KCTD16: variants seen among roughly 807,000 people sequenced by gnomAD.
KCTD16 encodes the protein BTB/POZ domain-containing protein KCTD16.
KCTD16 carries 13 observed loss-of-function variants against 33.2 expected under a neutral mutation model. That is an observed-to-expected ratio of 0.39 (90% CI 0.25 to 0.62). KCTD16 has a LOEUF of 0.62. KCTD16 is among the 20% of genes least tolerant of loss of function. KCTD16 has a pLI of 0.50. For missense variants in KCTD16, 441 were observed against 525.1 expected (o/e 0.84, Z 1.57); for synonymous variants, 197 against 195.3 (o/e 1.01, Z -0.07).
At chr5:144,458,433 C>A (rs918918658) in intron 3 of KCTD16, among the ~76,000 whole-genome samples, 1 of 152,186 alleles carries the variant, frequency 6.6e-6, no homozygotes, top group Non-Finnish European at 1.5e-5. Flanking sequence ...ACTTAATAAG[C>A]CATATGGAGA....
At chr5:144,457,766 C>T (rs923439981) in intron 3 of KCTD16, among the ~76,000 whole-genome samples, 1 of 152,146 alleles carries the variant, frequency 6.6e-6, no homozygotes, top group African/African-American at 2.4e-5. Flanking sequence ...TGTAAAGAAA[C>T]TGGCAAGGTG....
intron 3 of KCTD16, among the ~76,000 whole-genome samples, chr5:144,347,081 T>C (rs1752822763): frequency 6.6e-6 from 1 of 152,222 alleles, no homozygotes; most frequent in Non-Finnish European, 1.5e-5. Flanking sequence ...AGAAGTTTCT[T>C]AGATGATGCA....
At chr5:144,312,763 G>C (rs1270238785) in intron 3 of KCTD16, among the ~76,000 whole-genome samples, 1 of 152,200 alleles carries the variant, frequency 6.6e-6, no homozygotes, top group Admixed American at 6.5e-5. Flanking sequence ...AGGGTGTGAA[G>C]GGTTCCTTTT....
chr5:144,244,680 A>G (rs1305874559), intron 3 of KCTD16, among the ~76,000 whole-genome samples: 4 of 152,168 alleles, frequency 2.6e-5, no homozygotes, highest in African/African-American at 4.8e-5. Context: ...CTATTTTTAG[A>G]TATCTTTCCC....
chr5:144,470,218 C>T (rs1006332235), intron 3 of KCTD16, among the ~76,000 whole-genome samples: 3 of 152,300 alleles, frequency 2.0e-5, no homozygotes, highest in Admixed American at 2.0e-4. Context: ...TCTTTCCACA[C>T]TTCCCAAGAC....
At chr5:144,446,963 TG>T (rs1161100345) in intron 3 of KCTD16, among the ~76,000 whole-genome samples, 1 of 151,756 alleles carries the variant, frequency 6.6e-6, no homozygotes, top group East Asian at 1.9e-4. Flanking sequence ...TTGGTGGGAG[TG>T]TAAATTAGTT....
chr5:144,436,814 C>T (rs938490681), intron 3 of KCTD16, among the ~76,000 whole-genome samples: 1 of 152,084 alleles, frequency 6.6e-6, no homozygotes, highest in African/African-American at 2.4e-5. Flanking sequence ...TCTCGAACTC[C>T]TGACCTCGTG....
chr5:144,196,850 C>T (rs547456624), intron 2 of KCTD16, among the ~76,000 whole-genome samples: 1 of 152,198 alleles, frequency 6.6e-6, no homozygotes, highest in African/African-American at 2.4e-5. Flanking sequence ...TTTTGAGAGA[C>T]CCCTAGGGTA....
At chr5:144,220,805 G>A (rs569504333) in intron 3 of KCTD16, among the ~76,000 whole-genome samples, 1 of 152,114 alleles carries the variant, frequency 6.6e-6, no homozygotes, top group Non-Finnish European at 1.5e-5. Flanking sequence ...GCCGGGCGTG[G>A]TGGCGGGCAC....
chr5:144,394,272 T>G (rs188933227), intron 3 of KCTD16, among the ~76,000 whole-genome samples: 8 of 152,322 alleles, frequency 5.3e-5, no homozygotes, highest in Non-Finnish European at 1.2e-4. Flanking sequence ...CAATATACTT[T>G]TTTTTGCATT....
chr5:144,443,729 T>G (rs1158249186), intron 3 of KCTD16, among the ~76,000 whole-genome samples: 2 of 152,124 alleles, frequency 1.3e-5, no homozygotes, highest in African/African-American at 4.8e-5. Flanking sequence ...ACTATGAAGC[T>G]CAAGTTGTTC....
intron 3 of KCTD16, among the ~76,000 whole-genome samples, chr5:144,282,999 C>T (rs1020209762): frequency 2.0e-5 from 3 of 152,044 alleles, no homozygotes; most frequent in African/African-American, 7.2e-5. Context: ...ACAGTGGTAC[C>T]CTTTCCTGGT....
At chr5:144,341,871 A>G (rs937652409) in intron 3 of KCTD16, among the ~76,000 whole-genome samples, 1 of 152,214 alleles carries the variant, frequency 6.6e-6, no homozygotes, top group Non-Finnish European at 1.5e-5. Flanking sequence ...TTTGTCACTC[A>G]TTAATAAATA....
chr5:144,336,195 C>T (rs1185862566), intron 3 of KCTD16, among the ~76,000 whole-genome samples: 1 of 152,196 alleles, frequency 6.6e-6, no homozygotes, highest in Non-Finnish European at 1.5e-5. Flanking sequence ...TTCATTTTCC[C>T]CTTTGCCAAT....
At chr5:144,359,748 T>C (rs1751661504) in intron 3 of KCTD16, among the ~76,000 whole-genome samples, 1 of 151,604 alleles carries the variant, frequency 6.6e-6, no homozygotes, top group Non-Finnish European at 1.5e-5. Context: ...AAAGAATTGT[T>C]TGGCCCCAAA....
At chr5:144,350,879 T>TC (rs1455408454) in intron 3 of KCTD16, among the ~76,000 whole-genome samples, 1 of 151,974 alleles carries the variant, frequency 6.6e-6, no homozygotes, top group Non-Finnish European at 1.5e-5. Flanking sequence ...TCTCAGATTT[T>TC]TTTTTTTAAC....
intron 3 of KCTD16, among the ~76,000 whole-genome samples, chr5:144,353,716 C>G (rs919232774): frequency 2.0e-5 from 3 of 152,004 alleles, no homozygotes; most frequent in African/African-American, 7.2e-5. Context: ...AAGAGCTTTC[C>G]TAAGTTTAAG....
intron 3 of KCTD16, among the ~76,000 whole-genome samples, chr5:144,428,462 A>G (rs1376651762): frequency 2.0e-5 from 3 of 152,170 alleles, no homozygotes; most frequent in South Asian, 2.1e-4. Flanking sequence ...TAAAACACCA[A>G]TTAGACCTTG....
intron 3 of KCTD16, among the ~76,000 whole-genome samples, chr5:144,320,321 A>C (rs1214864375): frequency 6.6e-6 from 1 of 152,188 alleles, no homozygotes; most frequent in Non-Finnish European, 1.5e-5. Context: ...TCTTAGTTTC[A>C]TTAAAATTAT....
Sources: allele counts gnomAD v4.1 joint callset (sites outside exome capture counted in the v4.1 genomes callset), GRCh38; gene constraint gnomAD v4.1.1; transcripts MANE v1.5; gene names NCBI Gene and HGNC (gene_info 2026-07-23, HGNC 2026-07-21).